The following LRP1B variants were observed in gnomAD, a reference collection of about 807,000 sequenced individuals.
LRP1B encodes LDL receptor related protein 1B, also known as low-density lipoprotein receptor-related protein 1B.
A neutral mutation model predicts 556.6 loss-of-function variants in LRP1B; 217 were observed. The observed-to-expected ratio is 0.39, with a 90% CI of 0.35 to 0.44. The LOEUF (loss-of-function observed/expected upper bound fraction) is 0.44. Ranked by LOEUF, LRP1B falls within the 20% of genes least tolerant of loss-of-function variation. The pLI is 1.00. For synonymous variants in LRP1B, 2,047 were observed against 1,865.8 expected, an observed-to-expected ratio of 1.10 and a Z score of -2.50; for missense variants, 5,053 against 5,620.8, an observed-to-expected ratio of 0.90 and a Z score of 3.23.
intron 23 of LRP1B, among the ~76,000 whole-genome samples, chr2:140,902,403 C>T (rs141706762): frequency 6.6e-6 from 1 of 152,110 alleles, no homozygotes; most frequent in East Asian, 1.9e-4. Flanking sequence ...CCTAGGGTCA[C>T]ATAAAGAATG....
rs564387800 is a variant in LRP1B at position 141,716,975 on chromosome 2, G to C, written c.205+93304C>G. 2.0e-5 allele frequency among the ~76,000 whole-genome samples: 3 copies of C among 152,182 alleles called. No homozygotes were observed. The East Asian group carries it at 5.8e-4, about 30-fold the overall frequency. Reference sequence around the variant, plus strand: ...CTCCCCCAGCATGATCCACAGGGGGGGGTCGCAATTCAGAGTTGCTCCTGT... The same window carrying C: ...CTCCCCCAGCATGATCCACAGGGGGCGGTCGCAATTCAGAGTTGCTCCTGT... On this transcript the variant is annotated intron_variant, in intron 2 of 90. Coordinates refer to ENST00000389484, the MANE Select transcript of LRP1B (RefSeq NM_018557.3).
intron 3 of LRP1B, among the ~76,000 whole-genome samples, chr2:141,292,045 G>A (rs1685990264): frequency 6.6e-6 from 1 of 152,192 alleles, no homozygotes. Context: ...CGCAGCAGCA[G>A]GTGAGCATGG....
intron 32 of LRP1B, among the ~76,000 whole-genome samples, chr2:140,813,045 T>C (rs1227620012): frequency 6.6e-6 from 1 of 152,150 alleles, no homozygotes; most frequent in African/African-American, 2.4e-5. Context: ...AATACCAATA[T>C]AGTAGAGGTT....
intron 15 of LRP1B, among the ~76,000 whole-genome samples, chr2:140,996,588 G>C (rs952772117): frequency 1.3e-5 from 2 of 151,900 alleles, no homozygotes; most frequent in African/African-American, 4.8e-5. Context: ...TAGAGTTTAT[G>C]CTCAAAATTA....
At chr2:140,999,465 C>G (rs1030634092) in intron 15 of LRP1B, among the ~76,000 whole-genome samples, 4 of 152,098 alleles carry the variant, frequency 2.6e-5, no homozygotes, top group Non-Finnish European at 5.9e-5. Flanking sequence ...TGTAAAATCA[C>G]ATGTGTACCA....
chr2:140,252,296 A>G (rs1020238477), intron 86 of LRP1B, among the ~76,000 whole-genome samples: 4 of 151,670 alleles, frequency 2.6e-5, no homozygotes, highest in African/African-American at 9.7e-5. Flanking sequence ...TGCTTCAAAA[A>G]TTTTCTATCT....
chr2:140,581,142 T>C (rs1681746487), intron 43 of LRP1B, among the ~76,000 whole-genome samples: 1 of 152,228 alleles, frequency 6.6e-6, no homozygotes, highest in Non-Finnish European at 1.5e-5. Flanking sequence ...AAGTTTGATA[T>C]AAGAAGACAG....
intron 2 of LRP1B, among the ~76,000 whole-genome samples, chr2:141,771,757 G>C (rs1268055418): frequency 6.6e-6 from 1 of 152,076 alleles, no homozygotes. Flanking sequence ...AAAGGAATTG[G>C]TGTTCTTATA....
At chr2:141,698,487 T>C (rs865802249) in intron 2 of LRP1B, among the ~76,000 whole-genome samples, 8 of 123,398 alleles carry the variant, frequency 6.5e-5, no homozygotes, top group Middle Eastern at 8.0e-3. Context: ...AAATCTGTTG[T>C]ACACTTAAAA....
chr2:141,258,551 C>G (rs887519398), intron 3 of LRP1B, among the ~76,000 whole-genome samples: 1 of 152,162 alleles, frequency 6.6e-6, no homozygotes, highest in African/African-American at 2.4e-5. Context: ...TCCCCTGACA[C>G]AGATCCACTT....
chr2:140,866,022 C>T (rs1298724084), intron 27 of LRP1B, among the ~76,000 whole-genome samples: 3 of 152,054 alleles, frequency 2.0e-5, no homozygotes, highest in Non-Finnish European at 4.4e-5. Context: ...GGACATTGAT[C>T]CTATTTTGGG....
intron 83 of LRP1B, among the ~76,000 whole-genome samples, chr2:140,308,437 GATT>G (rs1178467845): frequency 4.0e-5 from 6 of 151,818 alleles, no homozygotes; most frequent in African/African-American, 1.4e-4. Flanking sequence ...CATAGTGACC[GATT>G]ATTATTTCTG....
At chr2:141,892,853 A>G (rs931543194) in intron 1 of LRP1B, among the ~76,000 whole-genome samples, 1 of 150,348 alleles carries the variant, frequency 6.7e-6, no homozygotes, top group Non-Finnish European at 1.5e-5. Flanking sequence ...AAATTCACAT[A>G]TGTGTGAAAT....
Position 140,769,308 on chromosome 2 carries a change from C to T in LRP1B, c.5663G>A (p.Gly1888Glu), listed in dbSNP as rs754799609. The T allele has an allele frequency of 9.9e-6, 16 of 1,611,696 alleles. No homozygotes were observed. The highest frequency in any genetic ancestry group is 6.7e-5 in the Admixed American group (4 of 59,812). ...ESFLMYSVHE[G>E]IRGIPLEPSD... ...TGGTTCAAGAGGTATTCCCCTGATT[C>T]CTTCATGAACAGAGTACATAAGAAA... is the stretch of plus-strand genomic sequence containing the variant. The change falls in exon 35 of 91, where the codon GGA becomes GAA. Residue 1888 changes from glycine (G) to glutamate (E), a missense_variant. Physicochemically the swap from Gly to Glu is moderately conservative, Grantham distance 98 (BLOSUM62 -2). This residue lies in a region of LRP1B where 3,619 missense variants were observed against 3,931.9 expected (regional missense o/e 0.92). Coordinates refer to ENST00000389484, the MANE Select transcript of LRP1B (RefSeq NM_018557.3).
intron 1 of LRP1B, among the ~76,000 whole-genome samples, chr2:142,058,658 C>A (rs1450723474): frequency 6.6e-6 from 1 of 152,096 alleles, no homozygotes; most frequent in East Asian, 1.9e-4. Context: ...GATTGGACAC[C>A]CCTGCTTTAG....
At chr2:141,549,267 T>A (rs1040055687) in intron 2 of LRP1B, among the ~76,000 whole-genome samples, 12 of 152,162 alleles carry the variant, frequency 7.9e-5, no homozygotes, top group Non-Finnish European at 1.8e-4. Context: ...CATGACGTTA[T>A]CGTGAGGAAA....
chr2:141,466,950 GAT>G (rs59093011), intron 3 of LRP1B, among the ~76,000 whole-genome samples: 63,505 of 140,372 alleles, frequency 0.45, 14,534 homozygotes, highest in East Asian at 0.57. Flanking sequence ...GTGCTCAGGG[GAT>G]ATATATATAT....
chr2:141,624,036 C>CAAAAAAAAAAAAAAAAAAAGAAAAGAA, intron 2 of LRP1B, among the ~76,000 whole-genome samples: 1 of 90,760 alleles, frequency 1.1e-5, no homozygotes. Flanking sequence ...AAAAATTAAA[C>CAAAAAAAAAAAAAAAAAAAGAAAAGAA]AAAAAAAAAA....
intron 1 of LRP1B, among the ~76,000 whole-genome samples, chr2:142,012,409 T>G (rs1488478948): frequency 1.3e-5 from 2 of 152,154 alleles, no homozygotes; most frequent in African/African-American, 4.8e-5. Context: ...TAGGGCCATA[T>G]TATGATCTGA....
Sources: allele counts gnomAD v4.1 joint callset (sites outside exome capture counted in the v4.1 genomes callset), GRCh38; gene constraint gnomAD v4.1.1; regional missense constraint gnomAD v4.1.1; transcripts MANE v1.5; gene names NCBI Gene and HGNC (gene_info 2026-07-23, HGNC 2026-07-21).